PRKCSH: variants seen among roughly 807,000 people sequenced by gnomAD.
The protein encoded by PRKCSH is PRKCSH beta subunit of glucosidase II.
In PRKCSH, 42 loss-of-function variants were observed where a neutral mutation model predicts 79.7. That is an observed-to-expected ratio of 0.53 (90% CI 0.41 to 0.68). PRKCSH has a LOEUF of 0.68. PRKCSH is among the 30% of genes least tolerant of loss of function. The pLI, the probability that PRKCSH is intolerant of heterozygous loss-of-function variation, is 0.00. For missense variants in PRKCSH, 686 were observed against 709.0 expected, an observed-to-expected ratio of 0.97 and a Z score of 0.37; for synonymous variants, 325 against 288.2, an observed-to-expected ratio of 1.13 and a Z score of -1.29.
In PRKCSH at chr19:11,447,294, A is replaced by T; in HGVS notation, c.849+134A>T. On this transcript the variant is annotated intron_variant, in intron 10 of 17. Coordinates refer to ENST00000677123, the MANE Select transcript of PRKCSH (RefSeq NM_001289104.2). This position sits in a 1 kb window ranked among gnomAD's most constrained non-coding sequence, Gnocchi z 5.6. Reference sequence around the variant, plus strand: ...GGTGGCCCCAGCACCCCCCACCGAGACCCCCCGACCCCAGCTGTCGGTCCT... The same window carrying T: ...GGTGGCCCCAGCACCCCCCACCGAGTCCCCCCGACCCCAGCTGTCGGTCCT... The T allele has an allele frequency of 8.3e-7, 1 of 1,208,842 alleles. No homozygotes were observed. The highest frequency in any genetic ancestry group is 1.2e-6 in the Non-Finnish European group (1 of 856,076). 74.9% of individuals were successfully genotyped at this position (1,208,842 alleles called of 1,614,324 possible). A position where few individuals can be genotyped will look rare whatever the true frequency, so the allele number is the denominator to read the frequency against.
chr19:11,446,274 T>C lies in PRKCSH; in HGVS notation c.686T>C (p.Val229Ala). 1 of 1,613,302 alleles carries C rather than the reference T, an allele frequency of 6.2e-7. No individual in the cohort carries two copies. The highest frequency in any genetic ancestry group is 8.5e-7 in the Non-Finnish European group (1 of 1,179,704). Residue 229 changes from valine to alanine, a missense_variant and splice_region_variant, in exon 9 of 18, where the codon GTC becomes GCC. Physicochemically the swap from Val to Ala is moderately conservative, Grantham distance 64. Around this residue, in one of 2 missense-constraint regions of PRKCSH, gnomAD observed 549 missense variants for 520.2 expected, o/e 1.06. Transcript: ENST00000677123. ...CTGCTTCTGCCACGCCCCCGCAGGGTCTCGGTGACTGAGCTGCAGACTCAC... is the reference window on the plus strand; with the variant it reads ...CTGCTTCTGCCACGCCCCCGCAGGGCCTCGGTGACTGAGCTGCAGACTCAC... ...KELDDDMDGT[V>A]SVTELQTHPE...
At chr19:11,435,811 C>T in intron 1 of PRKCSH, 105 bp downstream of exon 1, 1 of 1,402,248 alleles carries the variant, frequency 7.1e-7, no homozygotes, top group Non-Finnish European at 9.5e-7. Context: ...TCCCTTTGGT[C>T]TGTTGGCGGG....
chr19:11,437,357 AT>A (rs542447708), intron 3 of PRKCSH, among the ~76,000 whole-genome samples: 24 of 116,138 alleles, frequency 2.1e-4, no homozygotes, highest in African/African-American at 3.9e-4. Flanking sequence ...TTTGTTTTTA[AT>A]TTTTTTTTTT....
At chr19:11,442,364 C>T in intron 6 of PRKCSH, 22 bp from the exon 7 acceptor site, 2 of 1,572,888 alleles carry the variant, frequency 1.3e-6, no homozygotes, top group Non-Finnish European at 1.7e-6. Context: ...GAGAGCTGGT[C>T]TCTTGCCTTC....
rs75201506 is a variant in PRKCSH, at chr19:11,448,788, T to C, written c.1287-126T>C. ...GGGGGAGCAGAAGCCAGGGGCCAGG[T>C]TTAGGGTTGGTCATTGGAGTTGGAG... On this transcript the variant is annotated intron_variant, in intron 14 of 17. Transcript: ENST00000677123. The surrounding 1 kb of genome is among the most constrained non-coding windows in gnomAD (Gnocchi z 4.4). 7.3e-3 allele frequency: 10,004 copies of C among 1,376,178 alleles called. 55 individuals carry two copies. Among genetic ancestry groups the C allele is most frequent in the South Asian group, 0.013 (1,114 of 86,142 alleles). The allele number at this position is 1,376,178 out of a possible 1,614,324, so 85.2% of individuals were successfully genotyped here.
chr19:11,441,223 G>C lies in PRKCSH; in HGVS notation c.351-17G>C. On this transcript the variant is annotated splice_polypyrimidine_tract_variant and intron_variant, in intron 5 of 17. Transcript: ENST00000677123. Reference sequence around the variant, plus strand: ...TAAGTGCCCCACTGGTGGTGCCTGTGTGTCTCCGCACCGCAGAGAGAAGGG... The same window carrying C: ...TAAGTGCCCCACTGGTGGTGCCTGTCTGTCTCCGCACCGCAGAGAGAAGGG... 6.2e-7 allele frequency: 1 copy of C among 1,608,550 alleles called. No individual in the cohort carries two copies. Among genetic ancestry groups the C allele is most frequent in the African/African-American group, 1.3e-5 (1 of 74,932 alleles).
chr19:11,443,240 C>T (rs1970147054), intron 7 of PRKCSH, among the ~76,000 whole-genome samples: 1 of 151,006 alleles, frequency 6.6e-6, no homozygotes, highest in African/African-American at 2.4e-5. Context: ...TGGTGAAACG[C>T]CATCTCTACT....
intron 7 of PRKCSH, among the ~76,000 whole-genome samples, 156 bp downstream of exon 7, chr19:11,442,671 A>G (rs1350716042): frequency 6.6e-6 from 1 of 152,116 alleles, no homozygotes; most frequent in African/African-American, 2.4e-5. Flanking sequence ...GGATTGTGGC[A>G]TATGTCAGGA....
chr19:11,444,786 A>G (rs1034939430), intron 7 of PRKCSH, among the ~76,000 whole-genome samples: 1 of 151,860 alleles, frequency 6.6e-6, no homozygotes, highest in Admixed American at 6.6e-5. Flanking sequence ...AGATGCCCCC[A>G]GGACCGGTCT....
In PRKCSH at chr19:11,440,007, C is replaced by A. The variant is rs1969980657; in HGVS notation, c.351-1233C>A. Reference sequence around the variant, plus strand: ...GGCTGAGGCAGGAAGATTGCTTGGGCCTGGGAAGCAGAGGTTGCAGTGAGC... The same window carrying A: ...GGCTGAGGCAGGAAGATTGCTTGGGACTGGGAAGCAGAGGTTGCAGTGAGC... On this transcript the variant is annotated intron_variant, in intron 5 of 17. Coordinates refer to ENST00000677123, the MANE Select transcript of PRKCSH (RefSeq NM_001289104.2). Among the ~76,000 whole-genome samples the A allele has an allele frequency of 2.0e-5, 3 of 151,284 alleles. 1 individual carries two copies. The South Asian group carries it at 6.2e-4, about 31-fold the overall frequency.
At position 11,449,188 on chromosome 19, in the gene PRKCSH, A is replaced by C; in HGVS notation, c.1461+13A>C. The C allele has an allele frequency of 6.2e-7, 1 of 1,613,704 alleles. No homozygotes were observed. The highest frequency in any genetic ancestry group is 8.5e-7 in the Non-Finnish European group (1 of 1,179,968). The stretch of plus-strand genomic sequence containing the variant: ...CCGCTCCACCACCGTGAGTGCCTGC[A>C]AGGCAGGGGAGCTGGGGCGGGGAGA... On this transcript the variant is annotated intron_variant, in intron 16 of 17. Coordinates refer to ENST00000677123, the MANE Select transcript of PRKCSH (RefSeq NM_001289104.2). This position sits in a 1 kb window ranked among gnomAD's most constrained non-coding sequence, Gnocchi z 6.4.
intron 5 of PRKCSH, among the ~76,000 whole-genome samples, chr19:11,438,624 G>A (rs573170760): frequency 6.6e-6 from 1 of 151,880 alleles, no homozygotes; most frequent in South Asian, 2.1e-4. Context: ...GTGTGGTGGC[G>A]GGCGCCTGTA....
rs768149761 is a variant in PRKCSH at position 11,447,671 on chromosome 19, ACTGACC to A, written c.1030-18_1030-13del. On this transcript the variant is annotated splice_polypyrimidine_tract_variant and intron_variant, in intron 11 of 17. Transcript: ENST00000677123. The surrounding 1 kb of genome is among the most constrained non-coding windows in gnomAD (Gnocchi z 5.6). ...AGAGAGGGTGGGGGAAGGGCTACTC[ACTGACC>A]CTGCCCCTGCCCCAGGAGGCCCCAC... 6.4e-7 allele frequency: 1 copy of A among 1,563,592 alleles called. No individual in the cohort carries two copies. The highest frequency in any genetic ancestry group is 8.7e-7 in the Non-Finnish European group (1 of 1,153,860).
intron 3 of PRKCSH, 98 bp downstream of exon 3, chr19:11,436,603 C>A: frequency 1.9e-6 from 2 of 1,032,784 alleles, no homozygotes; most frequent in South Asian, 2.7e-5. Flanking sequence ...GCTGGCTCCC[C>A]TTTGAGTGGG....
intron 5 of PRKCSH, among the ~76,000 whole-genome samples, chr19:11,440,154 CTT>C (rs879570404): frequency 6.8e-6 from 1 of 146,592 alleles, no homozygotes; most frequent in Admixed American, 6.8e-5. Context: ...CAACACACTT[CTT>C]TTTTTTTTTG....
chr19:11,438,194 G>T, intron 5 of PRKCSH, 70 bp downstream of exon 5: 1 of 1,529,074 alleles, frequency 6.5e-7, no homozygotes, highest in Non-Finnish European at 9.0e-7. Flanking sequence ...CAGTGAATCG[G>T]GCCCACTCTC....
intron 7 of PRKCSH, among the ~76,000 whole-genome samples, chr19:11,443,045 C>T (rs1267026078): frequency 2.0e-5 from 3 of 152,116 alleles, no homozygotes; most frequent in East Asian, 3.9e-4. Context: ...TGTTATATGA[C>T]TTTAGCAGGA....
chr19:11,442,572 CCT>C, intron 7 of PRKCSH, 57 bp downstream of exon 7: 1 of 1,591,008 alleles, frequency 6.3e-7, no homozygotes, highest in Middle Eastern at 2.3e-4. Flanking sequence ...CAGGTCTGGG[CCT>C]AGGAGTCTCC....
At chr19:11,445,798 C>G in intron 8 of PRKCSH, 1 of 475,240 alleles carries the variant, frequency 2.1e-6, no homozygotes, top group Non-Finnish European at 3.9e-6. Context: ...GGGTTCGAAT[C>G]CTGGCTGTGC....
Sources: allele counts gnomAD v4.1 joint callset (sites outside exome capture counted in the v4.1 genomes callset), GRCh38; gene constraint gnomAD v4.1.1; regional missense constraint gnomAD v4.1.1; non-coding constraint Gnocchi (gnomAD v3.1); transcripts MANE v1.5; gene names NCBI Gene and HGNC (gene_info 2026-07-23, HGNC 2026-07-21).